KCNAB1: variants seen among roughly 807,000 people sequenced by gnomAD.
The protein encoded by KCNAB1 is potassium voltage-gated channel subfamily A regulatory beta subunit 1.
KCNAB1 carries 35 observed loss-of-function variants against 64.6 expected under a neutral mutation model. The observed-to-expected ratio is 0.54, with a 90% CI of 0.41 to 0.72. The LOEUF is 0.72. Ranked by LOEUF, KCNAB1 falls within the 30% of genes least tolerant of loss-of-function variation. KCNAB1 has a pLI of 0.00. For synonymous variants in KCNAB1, 177 were observed against 183.8 expected (o/e 0.96, Z 0.30); for missense variants, 401 against 512.9 (o/e 0.78, Z 2.11).
At chr3:156,323,258 G>A (rs1722784509) in intron 1 of KCNAB1, among the ~76,000 whole-genome samples, 1 of 152,122 alleles carries the variant, frequency 6.6e-6, no homozygotes, top group African/African-American at 2.4e-5. Flanking sequence ...TGGTAGATAT[G>A]AAGGACCAAT....
At chr3:156,225,061 A>C (rs1436863524) in intron 1 of KCNAB1, among the ~76,000 whole-genome samples, 1 of 152,182 alleles carries the variant, frequency 6.6e-6, no homozygotes, top group African/African-American at 2.4e-5. Context: ...TCCTCCCTAA[A>C]TCATTCTAGG....
intron 5 of KCNAB1, 150 bp downstream of exon 5, chr3:156,460,021 T>C (rs1257751812): frequency 7.2e-6 from 4 of 556,184 alleles, no homozygotes; most frequent in Non-Finnish European, 1.3e-5. Flanking sequence ...TGAAAATAAA[T>C]GCCGGCAAGT....
At chr3:156,296,408 G>A (rs911135990) in intron 1 of KCNAB1, among the ~76,000 whole-genome samples, 4 of 149,764 alleles carry the variant, frequency 2.7e-5, no homozygotes, top group Non-Finnish European at 4.4e-5. Flanking sequence ...ATTGGCATAT[G>A]ATGGGCCCCA....
chr3:156,431,704 C>A (rs576291389), intron 2 of KCNAB1, among the ~76,000 whole-genome samples: 1 of 152,218 alleles, frequency 6.6e-6, no homozygotes, highest in Admixed American at 6.5e-5. Context: ...CAGCTCAAAG[C>A]AAGCCAAGAC....
At chr3:156,265,485 G>A (rs1220106666) in intron 1 of KCNAB1, among the ~76,000 whole-genome samples, 2 of 152,106 alleles carry the variant, frequency 1.3e-5, no homozygotes, top group African/African-American at 4.8e-5. Flanking sequence ...GTGGTGACTG[G>A]TGATCCTTTC....
chr3:156,400,568 CA>C (rs1713818290), intron 1 of KCNAB1, among the ~76,000 whole-genome samples: 1 of 152,310 alleles, frequency 6.6e-6, no homozygotes, highest in East Asian at 1.9e-4. Flanking sequence ...TCAAATTAAA[CA>C]GGATAATTCA....
intron 1 of KCNAB1, among the ~76,000 whole-genome samples, chr3:156,245,578 A>G (rs1296825797): frequency 1.3e-5 from 2 of 152,178 alleles, no homozygotes; most frequent in Non-Finnish European, 2.9e-5. Flanking sequence ...ATATGTATAT[A>G]TTTAAGGAAA....
intron 8 of KCNAB1, among the ~76,000 whole-genome samples, chr3:156,494,133 T>G (rs1715833095): frequency 6.6e-6 from 1 of 152,124 alleles, no homozygotes; most frequent in Non-Finnish European, 1.5e-5. Flanking sequence ...GTTTTCTATT[T>G]CCATCACACT....
chr3:156,380,873 A>G (rs1183564843), intron 1 of KCNAB1, among the ~76,000 whole-genome samples: 2 of 152,194 alleles, frequency 1.3e-5, no homozygotes. Flanking sequence ...GCCTCCAACT[A>G]AACTCACTAT....
At chr3:156,348,212 A>C (rs1226316971) in intron 1 of KCNAB1, among the ~76,000 whole-genome samples, 1 of 152,162 alleles carries the variant, frequency 6.6e-6, no homozygotes, top group Non-Finnish European at 1.5e-5. Flanking sequence ...CTGAGGCCTA[A>C]AAAGGAGGGG....
At chr3:156,416,161 C>T (rs913458589) in intron 1 of KCNAB1, among the ~76,000 whole-genome samples, 17 of 152,208 alleles carry the variant, frequency 1.1e-4, no homozygotes, top group African/African-American at 4.1e-4. Flanking sequence ...CATTTCTCAT[C>T]AGGATTAACT....
intron 1 of KCNAB1, among the ~76,000 whole-genome samples, chr3:156,310,418 C>T (rs554634403): frequency 6.6e-6 from 1 of 152,028 alleles, no homozygotes; most frequent in African/African-American, 2.4e-5. Context: ...GTCCTGCAGG[C>T]CCTGAACACT....
At position 156,471,254 on chromosome 3, in the gene KCNAB1, T is replaced by G. The variant is rs1713865663; in HGVS notation, c.572-3480T>G. The stretch of plus-strand genomic sequence containing the variant: ...TGCTGACTGTCTGGAATAAACATAT[T>G]TCTTTAGAAACCTGTGAAATACACT... On this transcript the variant is annotated intron_variant, in intron 7 of 13. Coordinates refer to ENST00000490337, the MANE Select transcript of KCNAB1 (RefSeq NM_172160.3). Among the ~76,000 whole-genome samples, 3 of 152,232 alleles carry G rather than the reference T, an allele frequency of 2.0e-5. No individual in the cohort carries two copies. The South Asian group carries it at 6.2e-4, about 31-fold the overall frequency.
chr3:156,502,560 ACACACAC>A, intron 8 of KCNAB1, among the ~76,000 whole-genome samples: 2 of 152,028 alleles, frequency 1.3e-5, no homozygotes, highest in East Asian at 3.9e-4. Flanking sequence ...ACACACACAC[ACACACAC>A]ACACACAAAT....
At chr3:156,152,031 G>A (rs1188351534) in intron 1 of KCNAB1, among the ~76,000 whole-genome samples, 1 of 152,194 alleles carries the variant, frequency 6.6e-6, no homozygotes, top group Non-Finnish European at 1.5e-5. Flanking sequence ...CAATTGTTAT[G>A]CCTGCAGGAA....
chr3:156,217,580 T>C (rs981802254), intron 1 of KCNAB1, among the ~76,000 whole-genome samples: 2 of 152,250 alleles, frequency 1.3e-5, no homozygotes, highest in African/African-American at 4.8e-5. Context: ...GGAACTCTTT[T>C]CTTACTTGAG....
At chr3:156,431,479 G>T (rs989015545) in intron 2 of KCNAB1, among the ~76,000 whole-genome samples, 3 of 152,184 alleles carry the variant, frequency 2.0e-5, no homozygotes, top group African/African-American at 7.2e-5. Flanking sequence ...CCCAGGTGAG[G>T]AGAGCACAGG....
chr3:156,254,776 G>T (rs1038483885), intron 1 of KCNAB1, among the ~76,000 whole-genome samples: 6 of 152,182 alleles, frequency 3.9e-5, no homozygotes, highest in African/African-American at 1.4e-4. Context: ...AGTTAACTTT[G>T]TAATGGTTGG....
chr3:156,300,966 C>T (rs567959054), intron 1 of KCNAB1, among the ~76,000 whole-genome samples: 1 of 152,232 alleles, frequency 6.6e-6, no homozygotes, highest in East Asian at 1.9e-4. Context: ...TATATGACTG[C>T]TATGATTAAC....
Sources: gnomAD v4.1 joint callset for allele counts (sites outside exome capture counted in the v4.1 genomes callset) on GRCh38, gnomAD v4.1.1 for gene constraint, MANE v1.5 for transcripts, NCBI Gene and HGNC (gene_info 2026-07-23, HGNC 2026-07-21) for gene names.